The following INPP5D variants were observed in gnomAD, a reference collection of about 807,000 sequenced individuals.
INPP5D encodes inositol polyphosphate-5-phosphatase D, also known as phosphatidylinositol 3,4,5-trisphosphate 5-phosphatase 1.
In INPP5D, 33 loss-of-function variants were observed where a neutral mutation model predicts 122.9. The ratio of observed to expected loss-of-function variants is 0.27; its 90% CI spans 0.20 to 0.36. The LOEUF is 0.36. Ranked by LOEUF, INPP5D falls within the 10% of genes least tolerant of loss-of-function variation. The pLI is 1.00. For missense variants in INPP5D, 1,053 were observed against 1,412.7 expected (o/e 0.75, Z 4.08); for synonymous variants, 584 against 576.2 (o/e 1.01, Z -0.19).
At chr2:233,121,250 C>T (rs1692966413) in intron 2 of INPP5D, among the ~76,000 whole-genome samples, 1 of 150,214 alleles carries the variant, frequency 6.7e-6, no homozygotes, top group Non-Finnish European at 1.5e-5. Flanking sequence ...TCTTGCCTCG[C>T]CCTCCCAAGT....
At chr2:233,185,714 TAAAAAAAAA>T (rs34533084) in intron 20 of INPP5D, 120 bp from the exon 21 acceptor site, 5 of 625,628 alleles carry the variant, frequency 8.0e-6, no homozygotes, top group Non-Finnish European at 1.0e-5. Flanking sequence ...GGCCCCGAGA[TAAAAAAAAA>T]AAAAAAAAAA....
At chr2:233,152,314 T>C (rs1194900549) in intron 9 of INPP5D, among the ~76,000 whole-genome samples, 2 of 152,178 alleles carry the variant, frequency 1.3e-5, no homozygotes, top group Non-Finnish European at 2.9e-5. Context: ...TTAATCACCA[T>C]GTTCATGAAT....
intron 2 of INPP5D, among the ~76,000 whole-genome samples, chr2:233,099,177 C>A (rs1379035902): frequency 6.6e-6 from 1 of 152,182 alleles, no homozygotes; most frequent in Non-Finnish European, 1.5e-5. Context: ...TCTCGAACTC[C>A]TGACCTCAGG....
chr2:233,187,500 G>A (rs574710895), intron 21 of INPP5D, among the ~76,000 whole-genome samples: 12 of 152,232 alleles, frequency 7.9e-5, no homozygotes, highest in African/African-American at 2.9e-4. Flanking sequence ...GACTGGGGTA[G>A]GATGTTGGCA....
At chr2:233,108,900 C>T (rs1205270231) in intron 2 of INPP5D, among the ~76,000 whole-genome samples, 1 of 152,222 alleles carries the variant, frequency 6.6e-6, no homozygotes, top group Non-Finnish European at 1.5e-5. Flanking sequence ...CACAGTCTTG[C>T]AGCTTCTGCA....
At chr2:233,142,339 G>A (rs972719969) in intron 6 of INPP5D, among the ~76,000 whole-genome samples, 9 of 152,228 alleles carry the variant, frequency 5.9e-5, no homozygotes, top group Non-Finnish European at 1.0e-4. Flanking sequence ...AGGAAAGAAC[G>A]TTGGTCCATG....
intron 9 of INPP5D, among the ~76,000 whole-genome samples, chr2:233,157,730 G>A (rs962049004): frequency 2.1e-5 from 3 of 145,508 alleles, no homozygotes; most frequent in South Asian, 2.2e-4. Context: ...CTGAAACATC[G>A]GAAAGTATTA....
intron 14 of INPP5D, chr2:233,169,731 G>C (rs574537583): frequency 2.9e-5 from 17 of 583,632 alleles, no homozygotes; most frequent in African/African-American, 2.2e-4. Flanking sequence ...TGGGGCCCAG[G>C]AATGAAGACA....
Position 233,160,352 on chromosome 2 carries a change from C to T in INPP5D, c.1138-1372C>T, listed in dbSNP as rs1321617255. Among the ~76,000 whole-genome samples, 1 of 152,190 alleles carries T rather than the reference C, an allele frequency of 6.6e-6. No homozygotes were observed. The highest frequency in any genetic ancestry group is 2.4e-5 in the African/African-American group (1 of 41,438). On this transcript the variant is annotated intron_variant, in intron 10 of 26. Coordinates refer to ENST00000445964, the MANE Select transcript of INPP5D (RefSeq NM_001017915.3). The surrounding 1 kb of genome is among the most constrained non-coding windows in gnomAD (Gnocchi z 4.2). ...CATCCTAAGAGAGGGCCAACTGAGG[C>T]TGCTTGGTGCCCCACTGGGTACCCC... is the stretch of plus-strand genomic sequence containing the variant.
chr2:233,065,346 C>T (rs1334716008), intron 1 of INPP5D, among the ~76,000 whole-genome samples: 5 of 121,168 alleles, frequency 4.1e-5, no homozygotes, highest in East Asian at 5.1e-4. Context: ...CTTGCTCTGT[C>T]GCCAAGGCTG....
chr2:233,181,943 A>C (rs1310515344), intron 18 of INPP5D, among the ~76,000 whole-genome samples: 1 of 152,100 alleles, frequency 6.6e-6, no homozygotes, highest in Admixed American at 6.5e-5. Flanking sequence ...AAAATGCACA[A>C]AGATTAGCTG....
intron 2 of INPP5D, among the ~76,000 whole-genome samples, chr2:233,097,447 G>C (rs1043288569): frequency 6.6e-6 from 1 of 152,170 alleles, no homozygotes; most frequent in African/African-American, 2.4e-5. Flanking sequence ...ATAACATCAA[G>C]TCCTTCAATT....
At chr2:233,104,601 G>C (rs1462928026) in intron 2 of INPP5D, among the ~76,000 whole-genome samples, 1 of 152,186 alleles carries the variant, frequency 6.6e-6, no homozygotes, top group Non-Finnish European at 1.5e-5. Flanking sequence ...ATGGGCCATG[G>C]TTGGGGAGGA....
At chr2:233,173,047 A>G (rs1295638109) in intron 17 of INPP5D, among the ~76,000 whole-genome samples, 1 of 152,156 alleles carries the variant, frequency 6.6e-6, no homozygotes, top group Non-Finnish European at 1.5e-5. Flanking sequence ...TGTCTCTACT[A>G]AAAATACAAA....
At chr2:233,176,749 T>G (rs975012391) in intron 17 of INPP5D, among the ~76,000 whole-genome samples, 6 of 148,964 alleles carry the variant, frequency 4.0e-5, no homozygotes, top group Admixed American at 4.0e-4. Context: ...GATGGATAGA[T>G]GAATGAATAG....
chr2:233,099,940 A>G (rs182058167), intron 2 of INPP5D, among the ~76,000 whole-genome samples: 184 of 152,214 alleles, frequency 1.2e-3, no homozygotes, highest in Admixed American at 2.9e-3. Context: ...CTCATGTGGC[A>G]GACAAGAGAA....
Position 233,184,536 on chromosome 2 carries a change from A to C in INPP5D, c.2275+15A>C, listed in dbSNP as rs1478997312. 6.2e-7 allele frequency: 1 copy of C among 1,613,740 alleles called. No individual in the cohort carries two copies. The highest frequency in any genetic ancestry group is 1.3e-5 in the African/African-American group (1 of 74,922). ...CTGCTTGGAGAGTAAGTGGCTGCTG[A>C]GCCACCTTCTGGGCAGAACTGCCCG... On this transcript the variant is annotated intron_variant, in intron 20 of 26. Transcript: ENST00000445964.
At chr2:233,147,202 C>A (rs1480031521) in intron 8 of INPP5D, among the ~76,000 whole-genome samples, 1 of 152,182 alleles carries the variant, frequency 6.6e-6, no homozygotes, top group Non-Finnish European at 1.5e-5. Flanking sequence ...CCATTTCCAG[C>A]AATTCGTCTG....
chr2:233,187,150 C>T (rs1483033410), intron 21 of INPP5D, among the ~76,000 whole-genome samples: 3 of 144,132 alleles, frequency 2.1e-5, no homozygotes, highest in African/African-American at 7.4e-5. Flanking sequence ...TGCCACTGCA[C>T]TCCAGCCTGG....
Sources: gnomAD v4.1 joint callset for allele counts (sites outside exome capture counted in the v4.1 genomes callset) on GRCh38, gnomAD v4.1.1 for gene constraint, Gnocchi (gnomAD v3.1) non-coding constraint, MANE v1.5 for transcripts, NCBI Gene and HGNC (gene_info 2026-07-23, HGNC 2026-07-21) for gene names.